The following PTPRF variants were observed in gnomAD, a reference collection of about 807,000 sequenced individuals.
The protein encoded by PTPRF is receptor-type tyrosine-protein phosphatase F.
A neutral mutation model predicts 201.8 loss-of-function variants in PTPRF; 59 were observed. The ratio of observed to expected loss-of-function variants is 0.29; its 90% confidence interval spans 0.24 to 0.36. PTPRF has a LOEUF of 0.36. PTPRF is among the 10% of genes least tolerant of loss of function. The pLI, the probability that PTPRF is intolerant of heterozygous loss-of-function variation, is 1.00. For missense variants in PTPRF, 2,132 were observed against 2,690.5 expected, an observed-to-expected ratio of 0.79 and a Z score of 4.59; for synonymous variants, 1,088 against 1,089.7, an observed-to-expected ratio of 1.00 and a Z score of 0.03.
At position 43,617,450 on chromosome 1, in the gene PTPRF, C is replaced by T. The variant is rs376235991; in HGVS notation, c.4077C>T (p.Ile1359=). 6.3e-5 allele frequency: 102 copies of T among 1,614,006 alleles called. 1 individual carries two copies. Among genetic ancestry groups the T allele is most frequent in the South Asian group, 5.1e-4 (46 of 91,082 alleles). Residue 1359 remains isoleucine, a synonymous_variant, in exon 24 of 34, where the codon ATC becomes ATT. Coordinates refer to ENST00000359947, the MANE Select transcript of PTPRF (RefSeq NM_002840.5). ...GCTTTCTCCATTCTCTGCAGTCCAT[C>T]GACCCTGGACAGCAGTTCACGTGGG... The part of the protein sequence containing the change: ...GLKFSQEYES[I]DPGQQFTWEN...
At chr1:43,583,297 C>T (rs746834083) in intron 7 of PTPRF, among the ~76,000 whole-genome samples, 8 of 152,114 alleles carry the variant, frequency 5.3e-5, no homozygotes, top group South Asian at 2.1e-4. Flanking sequence ...TGCTTGGGTC[C>T]CTGGTGCACC....
chr1:43,541,983 TG>T (rs1249876817), intron 2 of PTPRF, among the ~76,000 whole-genome samples: 2 of 152,214 alleles, frequency 1.3e-5, no homozygotes, highest in African/African-American at 4.8e-5. Flanking sequence ...GGTGTTCTGC[TG>T]TGAACACCGT....
At chr1:43,571,827 C>T (rs1361779461) in intron 6 of PTPRF, among the ~76,000 whole-genome samples, 2 of 152,242 alleles carry the variant, frequency 1.3e-5, no homozygotes, top group Non-Finnish European at 2.9e-5. Flanking sequence ...TTCCCCTGCC[C>T]GTGTCTCATC....
At chr1:43,613,483 T>C (rs1656987326) in intron 22 of PTPRF, 135 bp from the exon 23 acceptor site, 1 of 748,718 alleles carries the variant, frequency 1.3e-6, no homozygotes, top group Middle Eastern at 2.4e-4. Flanking sequence ...CATGTGCTGC[T>C]GTCTCCATGC....
chr1:43,540,186 C>G (rs1427695946), intron 2 of PTPRF, among the ~76,000 whole-genome samples: 1 of 152,198 alleles, frequency 6.6e-6, no homozygotes, highest in Non-Finnish European at 1.5e-5. Flanking sequence ...AGTAGCATCT[C>G]CCCGCTTTCC....
upstream of PTPRF, among the ~76,000 whole-genome samples, chr1:43,528,355 A>AT (rs11318748): frequency 2.7e-3 from 398 of 149,066 alleles, 1 homozygote; most frequent in African/African-American, 8.8e-3. Flanking sequence ...TAATTTTTGT[A>AT]TTTTTTTTTT....
Position 43,619,042 on chromosome 1 carries a change from C to A in PTPRF, c.4492-6C>A. On this transcript the variant is annotated splice_polypyrimidine_tract_variant and splice_region_variant and intron_variant, in intron 26 of 33. Transcript: ENST00000359947. ...GTCGCCAGTATGTCCCCACTTTGTC[C>A]CCCAGAGTGGCTCCAGTGAGAAGCG... is the stretch of plus-strand genomic sequence containing the variant. The A allele has an allele frequency of 6.2e-7, 1 of 1,612,080 alleles. No homozygotes were observed. Among genetic ancestry groups the A allele is most frequent in the Non-Finnish European group, 8.5e-7 (1 of 1,178,434 alleles).
chr1:43,599,029 C>A, intron 13 of PTPRF, 116 bp downstream of exon 13: 2 of 1,147,258 alleles, frequency 1.7e-6, no homozygotes, highest in South Asian at 3.1e-5. Context: ...AGTGCTGTGA[C>A]TGCCTTTCCT....
At chr1:43,606,727 C>T (rs1459860864) in intron 20 of PTPRF, 87 bp from the exon 21 acceptor site, 3 of 1,538,656 alleles carry the variant, frequency 1.9e-6, no homozygotes, top group African/African-American at 2.7e-5. Flanking sequence ...TAACCCAGAC[C>T]CAGAGCCCTT....
In PTPRF at chr1:43,598,777, A is replaced by G. The variant is rs1464586379; in HGVS notation, c.2177A>G (p.His726Arg). 5 of 1,614,012 alleles carry G rather than the reference A, an allele frequency of 3.1e-6. No homozygotes were observed. Among genetic ancestry groups the G allele is most frequent in the African/African-American group, 2.7e-5 (2 of 74,914 alleles). Residue 726 changes from histidine to arginine, a missense_variant, in exon 13 of 34, where the codon CAT becomes CGT. Coordinates refer to ENST00000359947, the MANE Select transcript of PTPRF (RefSeq NM_002840.5). ...EVEPLNSTAV[H>R]VYWKLPVPSK... ...GAGCCACTGAACTCCACTGCTGTGC[A>G]TGTCTACTGGAAGCTGCCTGTCCCC...
At chr1:43,575,074 A>G (rs1309664340) in intron 6 of PTPRF, among the ~76,000 whole-genome samples, 2 of 152,174 alleles carry the variant, frequency 1.3e-5, no homozygotes, top group Non-Finnish European at 2.9e-5. Context: ...ACCTGGGCCC[A>G]TCTGTGGGCT....
chr1:43,591,584 A>G (rs1650756382), intron 9 of PTPRF, 31 bp downstream of exon 9: 4 of 1,527,380 alleles, frequency 2.6e-6, no homozygotes, highest in African/African-American at 1.4e-5. Context: ...TGGGCAGCCA[A>G]CAGCAGAGAA....
intron 11 of PTPRF, among the ~76,000 whole-genome samples, chr1:43,595,965 G>A (rs1214461671): frequency 6.6e-6 from 1 of 152,132 alleles, no homozygotes; most frequent in Non-Finnish European, 1.5e-5. Flanking sequence ...AGGCCTCTAG[G>A]GACGTGTGCA....
chr1:43,588,959 C>A lies in PTPRF; in HGVS notation c.908C>A (p.Ser303Ter). 1 of 1,581,094 alleles carries A rather than the reference C, an allele frequency of 6.3e-7. No homozygotes were observed. The highest frequency in any genetic ancestry group is 1.2e-5 in the South Asian group (1 of 86,188). ...AACTACACCTGTGTGGCCATCTCCT[C>A]GCTGGGCATGATCGAGGCCACAGCC... ...SANYTCVAISSLGMIEATAQV... is the reference protein window; with the variant it reads ...SANYTCVAIS Residue 303 changes from serine to a stop codon, truncating the protein, a stop_gained, in exon 8 of 34, where the codon TCG becomes TAG. Transcript: ENST00000359947. LOFTEE classifies it high-confidence loss of function. The surrounding 1 kb of genome is among the most constrained non-coding windows in gnomAD (Gnocchi z 5.3).
chr1:43,618,033 C>G (rs578234075), intron 25 of PTPRF, 122 bp downstream of exon 25: 2 of 1,041,970 alleles, frequency 1.9e-6, no homozygotes, highest in African/African-American at 3.2e-5. Flanking sequence ...TCCCCAGATG[C>G]TATTGTTACT....
chr1:43,620,760 GTAC>G, intron 31 of PTPRF, 75 bp from the exon 32 acceptor site: 1 of 1,555,498 alleles, frequency 6.4e-7, no homozygotes, highest in Admixed American at 1.8e-5. Context: ...CTGTATCATG[GTAC>G]TACCCTGGTC....
rs6691160 is a variant in PTPRF, at chr1:43,588,163, G to A, written c.680-568G>A. 0.27 allele frequency among the ~76,000 whole-genome samples: 40,964 copies of A among 152,058 alleles called. 6,270 individuals are homozygous for A. Among genetic ancestry groups the A allele is most frequent in the East Asian group, 0.48 (2,489 of 5,146 alleles). ...TGCCCTGAGCATGGCTGAGACCCTG[G>A]CAGGCGGCCCTGCTGCTTGCCTTAT... On this transcript the variant is annotated intron_variant, in intron 7 of 33. Transcript: ENST00000359947. The surrounding 1 kb of genome is among the most constrained non-coding windows in gnomAD (Gnocchi z 5.3).
In PTPRF at chr1:43,591,846, G is replaced by A. The variant is rs765451656; in HGVS notation, c.1566G>A (p.Val522=). 6.5e-5 allele frequency: 105 copies of A among 1,613,328 alleles called. 1 individual carries two copies. In the Admixed American group the frequency reaches 1.6e-3, roughly 25 times the overall value. ...AGCCCGCGGACTTCCAGGCCGAGGT[G>A]GAGTCGGACACCAGGATCCAGCTCT... ...PAQPADFQAE[V]ESDTRIQLSW... is the part of the protein sequence containing the mutation. Residue 522 remains valine, a synonymous_variant, in exon 10 of 34, where the codon GTG becomes GTA. Coordinates refer to ENST00000359947, the MANE Select transcript of PTPRF (RefSeq NM_002840.5).
At chr1:43,563,786 G>A (rs1645972059) in intron 5 of PTPRF, among the ~76,000 whole-genome samples, 1 of 152,196 alleles carries the variant, frequency 6.6e-6, no homozygotes, top group Non-Finnish European at 1.5e-5. Context: ...CCTAGGGAGT[G>A]AATGGATGAC....
Sources: allele counts gnomAD v4.1 joint callset (sites outside exome capture counted in the v4.1 genomes callset), GRCh38; gene constraint gnomAD v4.1.1; non-coding constraint Gnocchi (gnomAD v3.1); transcripts MANE v1.5; gene names NCBI Gene and HGNC (gene_info 2026-07-23, HGNC 2026-07-21).